Variants in RFWD3 observed in about 807,000 individuals in gnomAD.
RFWD3 encodes ring finger and WD repeat domain 3.
In RFWD3, 65 loss-of-function variants were observed where a neutral mutation model predicts 87.7. The ratio of observed to expected loss-of-function variants is 0.74; its 90% confidence interval spans 0.61 to 0.91. The LOEUF is 0.91. RFWD3 is among the 40% of genes least tolerant of loss of function. The pLI is 0.00. For missense variants in RFWD3, 1,078 were observed against 938.5 expected, an observed-to-expected ratio of 1.15 and a Z score of -1.94; for synonymous variants, 433 against 352.8, an observed-to-expected ratio of 1.23 and a Z score of -2.55.
chr16:74,639,940 C>T (rs1246665248), intron 6 of RFWD3, among the ~76,000 whole-genome samples: 5 of 152,032 alleles, frequency 3.3e-5, no homozygotes, highest in Non-Finnish European at 7.4e-5. Context: ...ACTCACATAA[C>T]TTACTATAGT....
At chr16:74,643,006 T>G (rs1959792729) in intron 6 of RFWD3, among the ~76,000 whole-genome samples, 1 of 152,212 alleles carries the variant, frequency 6.6e-6, no homozygotes, top group African/African-American at 2.4e-5. Flanking sequence ...GATTTTGCCT[T>G]TTCAACAAAA....
chr16:74,651,917 G>C lies in RFWD3; in HGVS notation c.721+3C>G. 1.2e-6 allele frequency: 2 copies of C among 1,613,530 alleles called. No individual in the cohort carries two copies. Among genetic ancestry groups the C allele is most frequent in the Non-Finnish European group, 8.5e-7 (1 of 1,179,648 alleles). Reference sequence around the variant, plus strand: ...TGAGTCCAAACCTGGGTAAAATACTGACCTTCTAAAATGACAGCTCCAGAT... The same window carrying C: ...TGAGTCCAAACCTGGGTAAAATACTCACCTTCTAAAATGACAGCTCCAGAT... On this transcript the variant is annotated splice_donor_region_variant and intron_variant, in intron 3 of 12. Transcript: ENST00000361070.
intron 2 of RFWD3, among the ~76,000 whole-genome samples, chr16:74,654,726 T>A (rs1001286939): frequency 6.6e-6 from 1 of 152,096 alleles, no homozygotes; most frequent in African/African-American, 2.4e-5. Context: ...AAGTGGTGAA[T>A]GCAAAGGAAA....
Position 74,661,470 on chromosome 16 carries a change from T to G in RFWD3, c.-2-19A>C. 1 of 1,559,040 alleles carries G rather than the reference T, an allele frequency of 6.4e-7. No individual in the cohort carries two copies. The highest frequency in any genetic ancestry group is 1.2e-5 in the South Asian group (1 of 83,396). On this transcript the variant is annotated intron_variant, in intron 1 of 12. Transcript: ENST00000361070. ...GCCATCACTAGAGAAACAGTATTTG[T>G]AAAAAGTATTAATAAAATAGATAAA...
intron 12 of RFWD3, 69 bp downstream of exon 12, chr16:74,626,274 A>T (rs1003920170): frequency 5.6e-6 from 8 of 1,427,260 alleles, no homozygotes; most frequent in African/African-American, 1.4e-5. Flanking sequence ...AAAAAAGTTC[A>T]TGTTTTCCCT....
At position 74,652,045 on chromosome 16, in the gene RFWD3, T is replaced by G; in HGVS notation, c.596A>C (p.Glu199Ala). Residue 199 changes from glutamate to alanine, a missense_variant, in exon 3 of 13, where the codon GAG (glutamate) becomes GCG (alanine). Coordinates refer to ENST00000361070, the MANE Select transcript of RFWD3 (RefSeq NM_018124.4). ...PDLPATTYDSETRNPVSEELQ... is the reference protein window; with the variant it reads ...PDLPATTYDSATRNPVSEELQ... ...CTCTTCAGATACAGGATTCCTAGTC[T>G]CTGAATCATAAGTGGTAGCTGGCAA... is the stretch of plus-strand genomic sequence containing the variant. 1 of 1,614,112 alleles carries G rather than the reference T, an allele frequency of 6.2e-7. No individual in the cohort carries two copies. The highest frequency in any genetic ancestry group is 8.5e-7 in the Non-Finnish European group (1 of 1,180,028).
At chr16:74,646,954 G>A (rs1273029207) in intron 4 of RFWD3, among the ~76,000 whole-genome samples, 1 of 151,980 alleles carries the variant, frequency 6.6e-6, no homozygotes, top group Non-Finnish European at 1.5e-5. Context: ...CAGGTGTGGT[G>A]GCAGGCGCCT....
Position 74,643,852 on chromosome 16 carries a change from A to AT in RFWD3, c.1079+509dup, listed in dbSNP as rs367568231. 879 of 161,136 alleles carry AT rather than the reference A, an allele frequency of 5.5e-3. 6 individuals are homozygous for AT. Among genetic ancestry groups the AT allele is most frequent in the Middle Eastern group, 0.013 (4 of 308 alleles). 10.0% of individuals were successfully genotyped at this position (161,136 alleles called of 1,614,324 possible). On this transcript the variant is annotated intron_variant, in intron 6 of 12. Transcript: ENST00000361070. ...CACTATGCCCGGCTAATTTTTTTGTATTTTTTAGTAGAGACGGGGTTTCAC... is the reference window on the plus strand; with the variant it reads ...CACTATGCCCGGCTAATTTTTTTGTATTTTTTTAGTAGAGACGGGGTTTCAC...
chr16:74,663,887 G>T (rs1961666005), intron 1 of RFWD3, among the ~76,000 whole-genome samples: 1 of 152,162 alleles, frequency 6.6e-6, no homozygotes, highest in Non-Finnish European at 1.5e-5. Context: ...AATATTGAAA[G>T]ATGGCGCTAA....
intron 2 of RFWD3, 78 bp downstream of exon 2, chr16:74,660,854 A>T: frequency 6.7e-7 from 1 of 1,489,148 alleles, no homozygotes; most frequent in Non-Finnish European, 9.1e-7. Context: ...TCACACTGTC[A>T]GTCCTTGAAT....
At position 74,630,921 on chromosome 16, in the gene RFWD3, A is replaced by G; in HGVS notation, c.1614T>C (p.Ala538=). The G allele has an allele frequency of 6.2e-7, 1 of 1,613,972 alleles. No individual in the cohort carries two copies. ...ETNTVVQTYN[A]GRPVWSCCWC... is the part of the protein sequence containing the mutation. ...AGCAACAGCTCCAGACAGGACGTCC[A>G]GCATTATAAGTCTGGACCACGGTAT... Residue 538 remains alanine, a synonymous_variant, in exon 10 of 13, where the codon GCT becomes GCC. Transcript: ENST00000361070.
chr16:74,625,619 G>C (rs1958911301), intron 12 of RFWD3, among the ~76,000 whole-genome samples: 1 of 151,718 alleles, frequency 6.6e-6, no homozygotes, highest in South Asian at 2.1e-4. Context: ...CTGTCTTATA[G>C]AACGCCCACA....
chr16:74,662,792 T>C (rs917950370), intron 1 of RFWD3, among the ~76,000 whole-genome samples: 10 of 152,036 alleles, frequency 6.6e-5, no homozygotes, highest in African/African-American at 1.5e-4. Flanking sequence ...AGGTGACCAG[T>C]GTAGAGGCTA....
chr16:74,637,002 C>T (rs1483881138), intron 7 of RFWD3, among the ~76,000 whole-genome samples: 3 of 151,708 alleles, frequency 2.0e-5, no homozygotes, highest in Admixed American at 6.6e-5. Context: ...CGTGAGCCAC[C>T]GCGCCCGGCC....
At position 74,657,806 on chromosome 16, in the gene RFWD3, T is replaced by C. The variant is rs569140262; in HGVS notation, c.518+3126A>G. 3.3e-5 allele frequency among the ~76,000 whole-genome samples: 5 copies of C among 152,286 alleles called. No individual in the cohort carries two copies. In the South Asian group the frequency reaches 8.3e-4, roughly 25 times the overall value. ...CTTTTTAGACAGTGCTAAGCAAGTT[T>C]ACCAACTCCATTTCTTGAGATTCTA... is the stretch of plus-strand genomic sequence containing the variant. On this transcript the variant is annotated intron_variant, in intron 2 of 12. Coordinates refer to ENST00000361070, the MANE Select transcript of RFWD3 (RefSeq NM_018124.4).
chr16:74,628,613 G>A lies in RFWD3; in HGVS notation c.1808C>T (p.Pro603Leu), dbSNP rs761352484. The A allele has an allele frequency of 6.2e-7, 1 of 1,614,140 alleles. No individual in the cohort carries two copies. Among genetic ancestry groups the A allele is most frequent in the Non-Finnish European group, 8.5e-7 (1 of 1,180,036 alleles). The change falls in exon 11 of 13, where the codon CCA becomes CTA. Residue 603 changes from proline (P) to leucine (L), a missense_variant. Coordinates refer to ENST00000361070, the MANE Select transcript of RFWD3 (RefSeq NM_018124.4). ...GGTTCCAGCCAGCACCCCACCATAT[G>A]GAAATGCAGCTGAGGCAGCTCTGGG... ...YMPRAASAAF[P>L]YGGVLAGTLE...
chr16:74,650,225 G>A (rs1960459987), intron 3 of RFWD3, among the ~76,000 whole-genome samples: 1 of 152,058 alleles, frequency 6.6e-6, no homozygotes, highest in Non-Finnish European at 1.5e-5. Flanking sequence ...TGTTCCATTT[G>A]TAGACTGTTC....
At position 74,639,036 on chromosome 16, in the gene RFWD3, C is replaced by CTT. The variant is rs564298799; in HGVS notation, c.1080-1068_1080-1067dup. Among the ~76,000 whole-genome samples the CTT allele has an allele frequency of 6.8e-5, 9 of 132,094 alleles. No individual in the cohort carries two copies. The South Asian group carries it at 7.2e-4, about 11-fold the overall frequency. The allele number at this position is 132,094 out of a possible 152,430, so 86.7% of individuals were successfully genotyped here. A position where few individuals can be genotyped will look rare whatever the true frequency, so the allele number is the denominator to read the frequency against. ...GAAAAGGTAATGCATTGAGCTAAGA[C>CTT]TTTTTTTTTTTTTTTTTTTTTAGCC... On this transcript the variant is annotated intron_variant, in intron 6 of 12. Transcript: ENST00000361070.
At chr16:74,625,617 T>C (rs903972076) in intron 12 of RFWD3, among the ~76,000 whole-genome samples, 10 of 152,120 alleles carry the variant, frequency 6.6e-5, no homozygotes, top group African/African-American at 2.2e-4. Context: ...AGCTGTCTTA[T>C]AGAACGCCCA....
Sources: allele counts gnomAD v4.1 joint callset (sites outside exome capture counted in the v4.1 genomes callset), GRCh38; gene constraint gnomAD v4.1.1; transcripts MANE v1.5; gene names NCBI Gene and HGNC (gene_info 2026-07-23, HGNC 2026-07-21).